Variants in MIAT observed in about 807,000 individuals in gnomAD.
The protein encoded by MIAT is myocardial infarction associated transcript.
At chr22:26,661,961 T>TATAC (rs1336346956) in intron 2 of MIAT, among the ~76,000 whole-genome samples, 328 of 43,536 alleles carry the variant, frequency 7.5e-3, no homozygotes, top group Non-Finnish European at 0.011. Flanking sequence ...TATATATATA[T>TATAC]ACACACACAC....
chr22:26,661,580 C>T (rs2146007344), intron 2 of MIAT, among the ~76,000 whole-genome samples: 1 of 152,244 alleles, frequency 6.6e-6, no homozygotes, highest in East Asian at 1.9e-4. Flanking sequence ...AGGGATTAGG[C>T]ATTGCAGGTG....
At chr22:26,671,425 C>T (rs1931041112), downstream of MIAT, 1 of 398,638 alleles carries the variant, frequency 2.5e-6, no homozygotes, top group South Asian at 1.3e-4. Flanking sequence ...AACCTACTAA[C>T]CCAGGGCTCA....
At chr22:26,675,630 G>A (rs995679462) in exon 5 of MIAT, 12 of 398,526 alleles carry the variant, frequency 3.0e-5, no homozygotes, top group Non-Finnish European at 4.4e-5. Flanking sequence ...AGAGGACCAA[G>A]GTGAAAATAA....
chr22:26,665,612 T>C (rs1188238533), exon 4 of MIAT: 25 of 398,624 alleles, frequency 6.3e-5, no homozygotes, highest in Non-Finnish European at 8.8e-6. Context: ...CTGAGAAGCA[T>C]CTTTGCAGAT....
chr22:26,670,145 C>A, downstream of MIAT: 1 of 395,068 alleles, frequency 2.5e-6, no homozygotes, highest in Non-Finnish European at 4.4e-6. Flanking sequence ...TACCTATTTT[C>A]CTAGTATCAC....
chr22:26,654,716 T>C (rs1435913579), intron 2 of MIAT, among the ~76,000 whole-genome samples: 1 of 152,050 alleles, frequency 6.6e-6, no homozygotes, highest in Non-Finnish European at 1.5e-5. Flanking sequence ...ATTTATTTAT[T>C]TTTAAATTTT....
At chr22:26,671,315 G>C, downstream of MIAT, 1 of 398,700 alleles carries the variant, frequency 2.5e-6, no homozygotes, top group Non-Finnish European at 4.4e-6. Context: ...CTTAGAGTTA[G>C]ACCCCCTGCC....
chr22:26,667,355 C>T (rs943151039), intron 5 of MIAT: 41 of 358,310 alleles, frequency 1.1e-4, no homozygotes, highest in South Asian at 7.9e-4. Context: ...TGTGTGTGTG[C>T]GTGTGCACAT....
downstream of MIAT, chr22:26,672,744 G>A (rs1931097403): frequency 5.0e-6 from 2 of 398,920 alleles, no homozygotes; most frequent in Non-Finnish European, 8.8e-6. Context: ...CACACCGGAA[G>A]TCAGAAAGCG....
exon 4 of MIAT, chr22:26,666,216 A>AAAAAC: frequency 2.5e-6 from 1 of 398,600 alleles, no homozygotes; most frequent in Middle Eastern, 6.3e-4. Context: ...AGTTGTTACC[A>AAAAAC]AAAACAAAAC....
chr22:26,657,591 T>C (rs544965424), intron 2 of MIAT: 59 of 398,704 alleles, frequency 1.5e-4, no homozygotes, highest in South Asian at 3.8e-4. Context: ...CTCCCCCAGT[T>C]CTGCGCTGTG....
At chr22:26,670,419 G>A, downstream of MIAT, 1 of 398,366 alleles carries the variant, frequency 2.5e-6, no homozygotes, top group African/African-American at 2.1e-5. Context: ...GTCTACTGAG[G>A]CACAAGTTCT....
chr22:26,671,274 G>T, downstream of MIAT: 1 of 398,642 alleles, frequency 2.5e-6, no homozygotes, highest in East Asian at 3.6e-5. Context: ...GGGTCCATGT[G>T]GTTAGGGTTG....
intron 2 of MIAT, among the ~76,000 whole-genome samples, chr22:26,659,441 C>T (rs1378753349): frequency 6.6e-6 from 1 of 152,198 alleles, no homozygotes. Flanking sequence ...CTTAACCCTA[C>T]TCCTTAACAG....
chr22:26,665,300 CT>C, intron 3 of MIAT, among the ~76,000 whole-genome samples: 1 of 119,260 alleles, frequency 8.4e-6, no homozygotes, highest in Middle Eastern at 4.4e-3. Context: ...AAACAATTAA[CT>C]TTGAGTCACA....
At chr22:26,667,561 C>T (rs1376086015) in intron 5 of MIAT, 13 of 335,492 alleles carry the variant, frequency 3.9e-5, no homozygotes, top group Non-Finnish European at 7.0e-5. Context: ...CCTGTCTCTG[C>T]CCATGATGCT....
chr22:26,652,267 C>A (rs1206171731), intron 2 of MIAT, among the ~76,000 whole-genome samples: 2 of 152,224 alleles, frequency 1.3e-5, no homozygotes, highest in Non-Finnish European at 2.9e-5. Flanking sequence ...CCACCTCAAC[C>A]TGACAAAGCG....
chr22:26,676,058 T>A, exon 5 of MIAT: 1 of 398,702 alleles, frequency 2.5e-6, no homozygotes, highest in East Asian at 3.6e-5. Flanking sequence ...AAGCTTGCTA[T>A]GAGCAGGATC....
At chr22:26,673,819 C>G (rs1168503491), downstream of MIAT, 5 of 398,636 alleles carry the variant, frequency 1.3e-5, no homozygotes, top group Admixed American at 1.3e-4. Flanking sequence ...CTGGTGTGGA[C>G]CAGGCCTGAT....
Sources: gnomAD v4.1 joint callset for allele counts (sites outside exome capture counted in the v4.1 genomes callset) on GRCh38, gnomAD v4.1.1 for gene constraint, MANE v1.5 for transcripts, NCBI Gene and HGNC (gene_info 2026-07-23, HGNC 2026-07-21) for gene names.